The following LTF variants were observed in gnomAD, a reference collection of about 807,000 sequenced individuals.
LTF encodes epididymis luminal protein 110.
In LTF, 91 loss-of-function variants were observed where a neutral mutation model predicts 87.2. The observed-to-expected ratio is 1.04, with a 90% CI of 0.88 to 1.24. LTF has a LOEUF of 1.24. LTF is among the 50% of genes most tolerant of loss of function. The pLI is 0.00. For synonymous variants in LTF, 378 were observed against 356.1 expected (o/e 1.06, Z -0.69); for missense variants, 901 against 904.3 (o/e 1.00, Z 0.05).
At chr3:46,450,849 C>G (rs1027063528) in intron 6 of LTF, among the ~76,000 whole-genome samples, 176 bp from the exon 7 acceptor site, 3 of 152,166 alleles carry the variant, frequency 2.0e-5, no homozygotes, top group African/African-American at 7.2e-5. Context: ...GGTAGTGCCC[C>G]AAAAGCCTCA....
intron 14 of LTF, among the ~76,000 whole-genome samples, chr3:46,440,882 C>T (rs1272154547): frequency 6.6e-6 from 1 of 152,182 alleles, no homozygotes; most frequent in Admixed American, 6.5e-5. Context: ...ATTGTTCAAA[C>T]ATTGGCTGGA....
At chr3:46,484,137 T>C (rs1433599052) in intron 1 of LTF, among the ~76,000 whole-genome samples, 4 of 152,134 alleles carry the variant, frequency 2.6e-5, no homozygotes, top group Non-Finnish European at 4.4e-5. Context: ...CCCTTGTCAA[T>C]GGCTGAAGAG....
chr3:46,436,842 G>A (rs992019412), intron 16 of LTF, among the ~76,000 whole-genome samples: 2 of 152,102 alleles, frequency 1.3e-5, no homozygotes, highest in Non-Finnish European at 2.9e-5. Flanking sequence ...TGACATTTGG[G>A]GCCTGATAAT....
At chr3:46,460,548 G>A (rs1418530283) in intron 1 of LTF, 1 of 455,450 alleles carries the variant, frequency 2.2e-6, no homozygotes, top group African/African-American at 2.0e-5. Flanking sequence ...GGAGGAAGAT[G>A]CATTGAATTT....
At position 46,439,289 on chromosome 3, in the gene LTF, T is replaced by G. The variant is rs756556873; in HGVS notation, c.1908+7A>C. 1 of 1,606,618 alleles carries G rather than the reference T, an allele frequency of 6.2e-7. No homozygotes were observed. ...TAAGAAAGCACTAGAAGCCCTGTGG[T>G]CCATACCTGTTGGTGGAGCAACACC... On this transcript the variant is annotated splice_region_variant and intron_variant, in intron 15 of 16. Coordinates refer to ENST00000231751, the MANE Select transcript of LTF (RefSeq NM_002343.6).
chr3:46,464,566 G>T (rs1408853814), intron 1 of LTF, among the ~76,000 whole-genome samples: 5 of 152,220 alleles, frequency 3.3e-5, no homozygotes, highest in Admixed American at 3.3e-4. Context: ...AAAGGGACAG[G>T]GGCCTGGGAG....
intron 1 of LTF, among the ~76,000 whole-genome samples, chr3:46,474,721 AT>A (rs1373716975): frequency 6.6e-6 from 1 of 152,220 alleles, no homozygotes; most frequent in Non-Finnish European, 1.5e-5. Context: ...AACCTCAACA[AT>A]TTTTTAAAAA....
Position 46,483,077 on chromosome 3 carries a change from T to C in LTF, c.-320+1909A>G, listed in dbSNP as rs145713993. Among the ~76,000 whole-genome samples, 772 of 152,190 alleles carry C rather than the reference T, an allele frequency of 5.1e-3. 5 individuals are homozygous for C. The highest frequency in any genetic ancestry group is 0.017 in the African/African-American group (721 of 41,516). On this transcript the variant is annotated intron_variant, in intron 1 of 19. Coordinates refer to the LTF transcript ENST00000443496. ...TGGATGGGTGCCACTGAATTTGGAGTTGGGAGGAGATGAATGATATTCCAC... is the reference window on the plus strand; with the variant it reads ...TGGATGGGTGCCACTGAATTTGGAGCTGGGAGGAGATGAATGATATTCCAC...
chr3:46,455,343 C>T lies in LTF; in HGVS notation c.599G>A (p.Cys200Tyr). The T allele has an allele frequency of 6.2e-7, 1 of 1,614,210 alleles. No individual in the cohort carries two copies. The highest frequency in any genetic ancestry group is 8.5e-7 in the Non-Finnish European group (1 of 1,180,032). The change falls in exon 5 of 17, where the codon TGT becomes TAT. Residue 200 changes from cysteine (C) to tyrosine (Y), a missense_variant. Cys to Tyr is a radical substitution (Grantham distance 194). Coordinates refer to ENST00000231751, the MANE Select transcript of LTF (RefSeq NM_002343.6). ...RLCAGTGENK[C>Y]AFSSQEPYFS... ...GTACGGTTCCTGGGAGGAGAAGGCA[C>T]ATTTGTTTTCCCCTGTCCCCGCACA...
intron 1 of LTF, among the ~76,000 whole-genome samples, chr3:46,481,231 C>T (rs1360859416): frequency 1.3e-5 from 2 of 152,200 alleles, no homozygotes; most frequent in Non-Finnish European, 2.9e-5. Context: ...TTAGCAACTG[C>T]TTATGGAATC....
chr3:46,438,891 C>T (rs1173657541), intron 15 of LTF, among the ~76,000 whole-genome samples: 1 of 152,154 alleles, frequency 6.6e-6, no homozygotes, highest in Non-Finnish European at 1.5e-5. Flanking sequence ...GTTTTAGAGG[C>T]CTGGCCTAGA....
intron 1 of LTF, among the ~76,000 whole-genome samples, chr3:46,477,189 C>T (rs1000032913): frequency 6.6e-6 from 1 of 152,230 alleles, no homozygotes; most frequent in Non-Finnish European, 1.5e-5. Flanking sequence ...TTCATTTCAG[C>T]CACTCTGTTT....
In LTF at chr3:46,456,486, G is replaced by A. The variant is rs562964566; in HGVS notation, c.208-88C>T. ...TTCAGGACCTCAAAAAGTCTCCATG[G>A]CTGGAAGGGTCGTCAAAGGGGTCCG... On this transcript the variant is annotated intron_variant, in intron 2 of 16. Coordinates refer to ENST00000231751, the MANE Select transcript of LTF (RefSeq NM_002343.6). 1.3e-5 allele frequency: 13 copies of A among 1,037,754 alleles called. No homozygotes were observed. In the Admixed American group the frequency reaches 2.0e-4, roughly 16 times the overall value. 64.3% of individuals were successfully genotyped at this position (1,037,754 alleles called of 1,614,324 possible).
At chr3:46,446,313 A>G in intron 11 of LTF, 127 bp downstream of exon 11, 5 of 194,608 alleles carry the variant, frequency 2.6e-5, no homozygotes, top group Non-Finnish European at 4.6e-5. Context: ...CCTTAAAATT[A>G]TTGCTCCTAG....
intron 11 of LTF, among the ~76,000 whole-genome samples, 172 bp from the exon 12 acceptor site, chr3:46,445,608 C>A (rs915480470): frequency 6.6e-6 from 1 of 152,156 alleles, no homozygotes; most frequent in African/African-American, 2.4e-5. Context: ...TAAGCTGCTG[C>A]CTTATGTTAA....
At chr3:46,479,883 T>C (rs1284574022) in intron 1 of LTF, among the ~76,000 whole-genome samples, 2 of 152,206 alleles carry the variant, frequency 1.3e-5, no homozygotes, top group African/African-American at 4.8e-5. Context: ...GGCTGGATTC[T>C]TGACATATTT....
chr3:46,462,658 C>G (rs897361858), intron 1 of LTF, among the ~76,000 whole-genome samples: 1 of 152,154 alleles, frequency 6.6e-6, no homozygotes, highest in Non-Finnish European at 1.5e-5. Flanking sequence ...TGCAGTGAAG[C>G]TGTGACTCAC....
At chr3:46,441,306 C>A (rs942708291) in intron 14 of LTF, 110 bp downstream of exon 14, 1 of 793,548 alleles carries the variant, frequency 1.3e-6, no homozygotes, top group East Asian at 2.7e-5. Flanking sequence ...CTTTTAATCA[C>A]AAATATGGAA....
intron 1 of LTF, among the ~76,000 whole-genome samples, chr3:46,464,077 G>A (rs1002224986): frequency 2.0e-5 from 3 of 152,164 alleles, no homozygotes; most frequent in Admixed American, 2.0e-4. Context: ...TTCTGCTGCG[G>A]CCTGGGACCT....
Sources: gnomAD v4.1 joint callset for allele counts (sites outside exome capture counted in the v4.1 genomes callset) on GRCh38, gnomAD v4.1.1 for gene constraint, MANE v1.5 for transcripts, NCBI Gene and HGNC (gene_info 2026-07-23, HGNC 2026-07-21) for gene names.